FAM83A: variants seen among roughly 807,000 people sequenced by gnomAD.
FAM83A encodes the protein scaffolding CK1 anchoring protein A, also known as protein FAM83A.
Under a neutral mutation model 24.4 loss-of-function variants are expected in FAM83A, and 21 were observed. The ratio of observed to expected loss-of-function variants is 0.86; its 90% CI spans 0.61 to 1.24. The LOEUF (loss-of-function observed/expected upper bound fraction) is 1.24. Among genes scored for constraint, FAM83A ranks in the 50% most tolerant of loss-of-function variants. The pLI is 0.00. For missense variants in FAM83A, 617 were observed against 579.8 expected (o/e 1.06, Z -0.66); for synonymous variants, 270 against 252.4 (o/e 1.07, Z -0.66).
chr8:123,202,912 C>T (rs958612091), intron 3 of FAM83A, among the ~76,000 whole-genome samples: 9 of 152,092 alleles, frequency 5.9e-5, no homozygotes, highest in East Asian at 3.9e-4. Context: ...CAAGCAGGGA[C>T]GACTTGCCCT....
chr8:123,188,772 C>T (rs1041286433), intron 1 of FAM83A, among the ~76,000 whole-genome samples: 6 of 152,204 alleles, frequency 3.9e-5, no homozygotes, highest in Admixed American at 1.3e-4. Flanking sequence ...CATAAGCCAC[C>T]GTGCCTGGCC....
chr8:123,191,836 G>A, exon 2 of FAM83A: 3 of 1,614,118 alleles, frequency 1.9e-6, no homozygotes, highest in East Asian at 2.2e-5. Flanking sequence ...GTTCACGGAT[G>A]TGGAGATCTT....
At chr8:123,194,379 G>C (rs775917106) in intron 3 of FAM83A, among the ~76,000 whole-genome samples, 2 of 152,292 alleles carry the variant, frequency 1.3e-5, no homozygotes, top group Admixed American at 1.3e-4. Context: ...CGTTTCCCTT[G>C]ATATTGCAAT....
chr8:123,193,998 T>G, intron 2 of FAM83A, 26 bp from the exon 3 acceptor site: 1 of 1,613,746 alleles, frequency 6.2e-7, no homozygotes, highest in South Asian at 1.1e-5. Flanking sequence ...AATTAGGAAG[T>G]GACACCTTGA....
At chr8:123,182,093 T>G (rs890899014), upstream of FAM83A, 1 of 456,124 alleles carries the variant, frequency 2.2e-6, no homozygotes, top group Non-Finnish European at 4.4e-6. Flanking sequence ...CCAGACAGTG[T>G]TCCAAGAAGC....
At chr8:123,203,679 C>T (rs1824442271) in intron 3 of FAM83A, among the ~76,000 whole-genome samples, 1 of 151,078 alleles carries the variant, frequency 6.6e-6, no homozygotes, top group Admixed American at 6.6e-5. Context: ...CTGGAAGCAG[C>T]TATTCAAGAT....
chr8:123,185,166 C>T (rs931201838), intron 1 of FAM83A, among the ~76,000 whole-genome samples: 9 of 152,298 alleles, frequency 5.9e-5, no homozygotes, highest in African/African-American at 1.9e-4. Context: ...TGTGGCCCGG[C>T]GCTGGCTGTA....
exon 1 of FAM83A, chr8:123,182,910 G>A (rs1823649788): frequency 6.5e-7 from 1 of 1,539,918 alleles, no homozygotes; most frequent in Non-Finnish European, 8.7e-7. Flanking sequence ...AAGATGTCAA[G>A]AGCCAGTGGG....
At position 123,182,938 on chromosome 8, in the gene FAM83A, G is replaced by GTC; in HGVS notation, c.82_83insTC (p.Asp28ValfsTer103). On this transcript the variant is annotated frameshift_variant, in exon 1 of 4. Transcript: ENST00000690554. LOFTEE classifies it high-confidence loss of function. ...CCAGTGGGTCCGGCCAGCCAGGGCT[G>GTC]ACTTTAGTGACAACGAGAGTGCCCG... 5.0e-6 allele frequency: 8 copies of GTC among 1,592,222 alleles called. No individual in the cohort carries two copies. The highest frequency in any genetic ancestry group is 6.8e-6 in the Non-Finnish European group (8 of 1,169,212).
Position 123,209,821 on chromosome 8 carries a change from CAT to C in FAM83A, c.*2134_*2135del. On this transcript the variant is annotated 3_prime_UTR_variant, in exon 4 of 4. Transcript: ENST00000690554. This position sits in a 1 kb window ranked among gnomAD's most constrained non-coding sequence, Gnocchi z 4.7. ...TTTCTCCTCTCCTGGGCACCTGTAA[CAT>C]GTGATGCGCTGCCTGCTGGGAGGTT... The C allele has an allele frequency of 2.1e-6, 1 of 474,760 alleles. No individual in the cohort carries two copies. The highest frequency in any genetic ancestry group is 3.4e-5 in the East Asian group (1 of 29,220). 29.4% of individuals were successfully genotyped at this position (474,760 alleles called of 1,614,324 possible).
intron 2 of FAM83A, among the ~76,000 whole-genome samples, chr8:123,192,518 G>A (rs1451049773): frequency 1.3e-5 from 2 of 152,184 alleles, no homozygotes; most frequent in Non-Finnish European, 2.9e-5. Flanking sequence ...AAGAAACCCA[G>A]CGATAAGGGT....
exon 4 of FAM83A, chr8:123,208,435 T>C: frequency 1.0e-6 from 1 of 985,490 alleles, no homozygotes; most frequent in Non-Finnish European, 1.2e-6. Context: ...GAGTCTAGAC[T>C]GGACCTAGGA....
At chr8:123,186,701 A>G (rs1823813104) in intron 1 of FAM83A, among the ~76,000 whole-genome samples, 1 of 152,110 alleles carries the variant, frequency 6.6e-6, no homozygotes, top group Non-Finnish European at 1.5e-5. Context: ...GTGGTGGCAG[A>G]TGTCTGTAAT....
chr8:123,181,132 C>T (rs1011883118), upstream of FAM83A, among the ~76,000 whole-genome samples: 6 of 151,922 alleles, frequency 3.9e-5, no homozygotes, highest in Non-Finnish European at 8.8e-5. Flanking sequence ...TTTTTAGTAG[C>T]GACAGTGTTT....
chr8:123,209,507 GACCT>G lies in FAM83A; in HGVS notation c.*1820_*1823del. On this transcript the variant is annotated 3_prime_UTR_variant, in exon 4 of 4. Transcript: ENST00000690554. This position sits in a 1 kb window ranked among gnomAD's most constrained non-coding sequence, Gnocchi z 4.7. ...CTGATGGCTTTCTGAACCCAGCCCT[GACCT>G]TGTTGTTTCACAGCTGACGGCTGAG... is the stretch of plus-strand genomic sequence containing the variant. 1 of 1,614,144 alleles carries G rather than the reference GACCT, an allele frequency of 6.2e-7. No individual in the cohort carries two copies. Among genetic ancestry groups the G allele is most frequent in the Non-Finnish European group, 8.5e-7 (1 of 1,180,040 alleles).
At chr8:123,208,240 G>T (rs1401720587) in exon 4 of FAM83A, 3 of 985,574 alleles carry the variant, frequency 3.0e-6, no homozygotes, top group East Asian at 2.3e-4. Flanking sequence ...GGTATCCTTG[G>T]GCCCAATGAA....
rs1302105680 is a variant in FAM83A, at chr8:123,193,131, A to G, written c.649-893A>G. Among the ~76,000 whole-genome samples, 4 of 152,336 alleles carry G rather than the reference A, an allele frequency of 2.6e-5. No homozygotes were observed. The East Asian group carries it at 7.7e-4, about 29-fold the overall frequency. The stretch of plus-strand genomic sequence containing the variant: ...TCCATTTCTCCAGCCTTCCAGCTGT[A>G]CGGCGGGAGCAGCAGGTGCTACAGG... On this transcript the variant is annotated intron_variant, in intron 2 of 3. Coordinates refer to ENST00000690554, the Ensembl canonical transcript of FAM83A.
exon 1 of FAM83A, chr8:123,183,077 A>G (rs1823662504): frequency 1.2e-6 from 2 of 1,613,656 alleles, no homozygotes; most frequent in Admixed American, 1.7e-5. Context: ...ATCCAGGCCC[A>G]GGCCAGGGAG....
At chr8:123,207,560 C>T in exon 4 of FAM83A, 2 of 1,544,664 alleles carry the variant, frequency 1.3e-6, no homozygotes, top group Non-Finnish European at 8.7e-7. Flanking sequence ...CCACGACGGC[C>T]CGCCCGCCGC....
Sources: gnomAD v4.1 joint callset for allele counts (sites outside exome capture counted in the v4.1 genomes callset) on GRCh38, gnomAD v4.1.1 for gene constraint, Gnocchi (gnomAD v3.1) non-coding constraint, MANE v1.5 for transcripts, NCBI Gene and HGNC (gene_info 2026-07-23, HGNC 2026-07-21) for gene names.